The following NRG1 variants were observed in gnomAD, a reference collection of about 807,000 sequenced individuals.
NRG1 encodes neuregulin 1.
Under a neutral mutation model 63.8 loss-of-function variants are expected in NRG1, and 18 were observed. That is an observed-to-expected ratio of 0.28 (90% CI 0.19 to 0.42). The LOEUF (loss-of-function observed/expected upper bound fraction) is 0.42. Among genes scored for constraint, NRG1 ranks in the 10% least tolerant of loss-of-function variants. The probability of loss-of-function intolerance (pLI) is 1.00; values close to 1 mark genes in which losing one functional copy is unlikely to be tolerated. For synonymous variants in NRG1, 302 were observed against 301.3 expected (o/e 1.00, Z -0.02); for missense variants, 762 against 814.7 (o/e 0.94, Z 0.79).
At chr8:32,212,924 T>A (rs925837686) in intron 1 of NRG1, among the ~76,000 whole-genome samples, 6 of 152,190 alleles carry the variant, frequency 3.9e-5, no homozygotes, top group African/African-American at 1.4e-4. Flanking sequence ...ATTAGGAGAC[T>A]TCATATTCTA....
At chr8:32,748,110 T>C (rs1186950108) in intron 7 of NRG1, among the ~76,000 whole-genome samples, 1 of 152,076 alleles carries the variant, frequency 6.6e-6, no homozygotes, top group Non-Finnish European at 1.5e-5. Flanking sequence ...TTTTTCCCTC[T>C]CTATATGAGG....
chr8:32,029,293 A>G (rs1299541146), intron 1 of NRG1: 1 of 152,206 alleles, frequency 6.6e-6, no homozygotes, highest in Non-Finnish European at 1.5e-5. Flanking sequence ...ACATTCTGCC[A>G]TTGTTAATAT....
At chr8:32,589,313 A>G (rs1270873521) in intron 1 of NRG1, among the ~76,000 whole-genome samples, 1 of 152,224 alleles carries the variant, frequency 6.6e-6, no homozygotes, top group African/African-American at 2.4e-5. Context: ...GACTCTCCAT[A>G]GTAATTTATC....
At chr8:32,048,442 C>CATATATATATATATATAT (rs746098368) in intron 1 of NRG1, among the ~76,000 whole-genome samples, 1 of 134,884 alleles carries the variant, frequency 7.4e-6, no homozygotes, top group East Asian at 2.1e-4. Flanking sequence ...CACATATATA[C>CATATATATATATATATAT]ATACATATAT....
At chr8:31,793,622 A>C (rs1189348795) in intron 1 of NRG1, among the ~76,000 whole-genome samples, 1 of 152,242 alleles carries the variant, frequency 6.6e-6, no homozygotes, top group Non-Finnish European at 1.5e-5. Flanking sequence ...AAGCAATCTA[A>C]ATGAATTCTT....
chr8:32,479,319 TA>T (rs1408698621), intron 1 of NRG1, among the ~76,000 whole-genome samples: 1 of 151,320 alleles, frequency 6.6e-6, no homozygotes. Flanking sequence ...CTACTAAAAA[TA>T]AAAAAAATTA....
chr8:31,923,863 C>T (rs1221297361), intron 1 of NRG1, among the ~76,000 whole-genome samples: 4 of 152,022 alleles, frequency 2.6e-5, no homozygotes, highest in Admixed American at 1.3e-4. Context: ...CACTATCTCC[C>T]ACCCCTCACC....
chr8:32,045,911 G>T (rs1357589120), intron 1 of NRG1, among the ~76,000 whole-genome samples: 2 of 151,838 alleles, frequency 1.3e-5, no homozygotes, highest in Non-Finnish European at 2.9e-5. Context: ...TATCTAAGAA[G>T]AAAATATATG....
At chr8:32,163,693 CCTT>C (rs1447999119) in intron 1 of NRG1, among the ~76,000 whole-genome samples, 23 of 152,162 alleles carry the variant, frequency 1.5e-4, no homozygotes, top group Non-Finnish European at 3.4e-4. Context: ...TTTAACTACT[CCTT>C]CTTAATTTAC....
chr8:32,132,442 A>G (rs931340901), intron 1 of NRG1, among the ~76,000 whole-genome samples: 1 of 152,104 alleles, frequency 6.6e-6, no homozygotes, highest in Non-Finnish European at 1.5e-5. Context: ...ATGTGAATGC[A>G]GCAAGCCAGA....
chr8:32,770,507 T>C (rs1302537687), downstream of NRG1, among the ~76,000 whole-genome samples: 2 of 152,198 alleles, frequency 1.3e-5, no homozygotes, highest in African/African-American at 4.8e-5. Context: ...TTATGTTACA[T>C]CTACAGCTAA....
At position 32,724,327 on chromosome 8, in the gene NRG1, G is replaced by T. The variant is rs545717483; in HGVS notation, c.503-3622G>T. 2.0e-5 allele frequency among the ~76,000 whole-genome samples: 3 copies of T among 152,214 alleles called. No homozygotes were observed. The East Asian group carries it at 5.8e-4, about 29-fold the overall frequency. On this transcript the variant is annotated intron_variant, in intron 5 of 11. Transcript: ENST00000356819. The stretch of plus-strand genomic sequence containing the variant: ...TCACCTCCTTCCTGGAACAACTATT[G>T]GGGGGTATCATCTTTTATATATTGA...
intron 1 of NRG1, among the ~76,000 whole-genome samples, chr8:32,469,506 A>G (rs1396275802): frequency 6.6e-6 from 1 of 152,168 alleles, no homozygotes; most frequent in Admixed American, 6.5e-5. Context: ...CCCAAGTCCA[A>G]CTGAAGGGGC....
rs116048292 is a variant in NRG1, at chr8:32,226,341, T to G, written c.38-369487T>G. ...TTTGGCATAAAATTATGCAGCCAGC[T>G]CATTATCCACTTTCTGCATATTGCC... On this transcript the variant is annotated intron_variant, in intron 1 of 10. Coordinates refer to the NRG1 transcript ENST00000519301. Among the ~76,000 whole-genome samples, 1,305 of 152,276 alleles carry G rather than the reference T, an allele frequency of 8.6e-3. 19 individuals are homozygous for G. Among genetic ancestry groups the G allele is most frequent in the African/African-American group, 0.03 (1,238 of 41,560 alleles).
chr8:31,993,933 G>A (rs753528747), intron 1 of NRG1, among the ~76,000 whole-genome samples: 13 of 152,012 alleles, frequency 8.6e-5, no homozygotes, highest in Non-Finnish European at 1.6e-4. Flanking sequence ...AGAATTGTGA[G>A]ATAATCTGGA....
intron 1 of NRG1, chr8:31,639,805 T>G (rs1186753734): frequency 8.1e-7 from 1 of 1,237,768 alleles, no homozygotes; most frequent in African/African-American, 1.6e-5. Context: ...ATCCACTTCT[T>G]CCCCCTCCTC....
At chr8:32,566,236 A>G (rs1345655658) in intron 1 of NRG1, among the ~76,000 whole-genome samples, 2 of 151,382 alleles carry the variant, frequency 1.3e-5, no homozygotes, top group African/African-American at 4.8e-5. Context: ...GGGTGCCAAT[A>G]ATCCCAGCTA....
chr8:31,719,192 T>C (rs1162661622), intron 1 of NRG1, among the ~76,000 whole-genome samples: 2 of 152,192 alleles, frequency 1.3e-5, no homozygotes, highest in Non-Finnish European at 2.9e-5. Flanking sequence ...CTATTTATGG[T>C]AACCTGTCTT....
At chr8:32,559,245 T>TAAAAAAGAAAAAAAAAAAAAAAA (rs1835847467) in intron 1 of NRG1, among the ~76,000 whole-genome samples, 1 of 96,790 alleles carries the variant, frequency 1.0e-5, no homozygotes, top group Non-Finnish European at 2.0e-5. Flanking sequence ...CTCTAAAATG[T>TAAAAAAGAAAAAAAAAAAAAAAA]AAAAAAAAAA....
Sources: allele counts gnomAD v4.1 joint callset (sites outside exome capture counted in the v4.1 genomes callset), GRCh38; gene constraint gnomAD v4.1.1; transcripts MANE v1.5; gene names NCBI Gene and HGNC (gene_info 2026-07-23, HGNC 2026-07-21).